The following ANKRD44 variants were observed in gnomAD, a reference collection of about 807,000 sequenced individuals.
The protein encoded by ANKRD44 is ankyrin repeat domain 44.
Under a neutral mutation model 116.0 loss-of-function variants are expected in ANKRD44, and 35 were observed. The ratio of observed to expected loss-of-function variants is 0.30; its 90% CI spans 0.23 to 0.40. ANKRD44 has a LOEUF of 0.40. Among genes scored for constraint, ANKRD44 ranks in the 10% least tolerant of loss-of-function variants. ANKRD44 has a pLI of 1.00. For missense variants in ANKRD44, 1,014 were observed against 1,242.6 expected, an observed-to-expected ratio of 0.82 and a Z score of 2.77; for synonymous variants, 435 against 461.8, an observed-to-expected ratio of 0.94 and a Z score of 0.74.
intron 2 of ANKRD44, among the ~76,000 whole-genome samples, chr2:197,157,100 C>T (rs2079837271): frequency 6.6e-6 from 1 of 151,948 alleles, no homozygotes; most frequent in Non-Finnish European, 1.5e-5. Context: ...TATTGTATGT[C>T]AATTATATTT....
At chr2:197,135,492 C>A (rs1161822244) in intron 4 of ANKRD44, 3 of 152,306 alleles carry the variant, frequency 2.0e-5, no homozygotes, top group Non-Finnish European at 4.4e-5. Flanking sequence ...CCCTGAGCTA[C>A]CTGATGCATT....
At chr2:196,998,793 TG>T in intron 24 of ANKRD44, 113 bp downstream of exon 24, 1 of 1,419,044 alleles carries the variant, frequency 7.0e-7, no homozygotes, top group Non-Finnish European at 9.5e-7. Flanking sequence ...TAAGTAAAAC[TG>T]CTAATGGCCC....
At chr2:196,991,295 G>A (rs913502718) in intron 27 of ANKRD44, among the ~76,000 whole-genome samples, 2 of 152,046 alleles carry the variant, frequency 1.3e-5, no homozygotes, top group African/African-American at 4.8e-5. Context: ...GGATGTTTCC[G>A]CCTGAGAGCA....
At chr2:197,220,080 A>C (rs1381176176) in intron 1 of ANKRD44, among the ~76,000 whole-genome samples, 1 of 152,256 alleles carries the variant, frequency 6.6e-6, no homozygotes, top group Non-Finnish European at 1.5e-5. Flanking sequence ...ATTACTTTGA[A>C]AGTAATCTAA....
At chr2:197,104,758 T>C (rs2078384649) in intron 9 of ANKRD44, among the ~76,000 whole-genome samples, 1 of 152,240 alleles carries the variant, frequency 6.6e-6, no homozygotes, top group Non-Finnish European at 1.5e-5. Flanking sequence ...CCAAGTGTAC[T>C]GGCAAAACGC....
chr2:197,248,162 C>T (rs529304971), intron 1 of ANKRD44, among the ~76,000 whole-genome samples: 250 of 152,250 alleles, frequency 1.6e-3, no homozygotes, highest in Non-Finnish European at 3.1e-3. Flanking sequence ...TAACCTGGTT[C>T]GCTTTATGTG....
At chr2:197,296,541 T>C (rs1574468317) in intron 1 of ANKRD44, 2 of 152,280 alleles carry the variant, frequency 1.3e-5, no homozygotes, top group Admixed American at 1.3e-4. Flanking sequence ...AAACTAACAG[T>C]CAATCTCCTT....
chr2:197,115,480 A>C (rs1252483549), intron 8 of ANKRD44, among the ~76,000 whole-genome samples: 1 of 152,218 alleles, frequency 6.6e-6, no homozygotes, highest in Non-Finnish European at 1.5e-5. Flanking sequence ...AAAAAACAGG[A>C]CCAGAGTCAA....
At chr2:196,969,045 T>C (rs2075695909) in intron 21 of ANKRD44, among the ~76,000 whole-genome samples, 1 of 152,174 alleles carries the variant, frequency 6.6e-6, no homozygotes, top group African/African-American at 2.4e-5. Context: ...CATTCACTTA[T>C]TGAATCATTC....
At chr2:197,048,346 C>G (rs931751679) in intron 16 of ANKRD44, among the ~76,000 whole-genome samples, 1 of 152,188 alleles carries the variant, frequency 6.6e-6, no homozygotes, top group African/African-American at 2.4e-5. Context: ...CCCTGCCCCC[C>G]ACTCCCTGAC....
chr2:197,294,595 G>A (rs554747616), intron 1 of ANKRD44, among the ~76,000 whole-genome samples: 130 of 151,964 alleles, frequency 8.6e-4, no homozygotes, highest in Middle Eastern at 3.4e-3. Context: ...CCACCCCTCC[G>A]CCCCAACACA....
At chr2:197,301,910 A>G (rs1003334939) in intron 1 of ANKRD44, among the ~76,000 whole-genome samples, 10 of 152,220 alleles carry the variant, frequency 6.6e-5, no homozygotes, top group African/African-American at 2.4e-4. Context: ...TACACTGTGG[A>G]GGAAAATAAA....
At chr2:197,176,768 T>C (rs1290786027) in intron 2 of ANKRD44, among the ~76,000 whole-genome samples, 1 of 152,110 alleles carries the variant, frequency 6.6e-6, no homozygotes, top group Non-Finnish European at 1.5e-5. Flanking sequence ...GAAATAGCCT[T>C]CTGAGCAGAC....
intron 25 of ANKRD44, among the ~76,000 whole-genome samples, chr2:196,996,641 A>G (rs1021532045): frequency 1.3e-5 from 2 of 152,204 alleles, no homozygotes; most frequent in Non-Finnish European, 2.9e-5. Flanking sequence ...GCAGTGGCTC[A>G]TGCCTGTAAT....
intron 2 of ANKRD44, among the ~76,000 whole-genome samples, chr2:197,172,759 T>C (rs962597757): frequency 6.6e-6 from 1 of 152,044 alleles, no homozygotes. Context: ...AGAGACAGGG[T>C]TTCACCATGT....
Position 196,979,554 on chromosome 2 carries a change from C to CTT in ANKRD44, c.2369-12110_2369-12109dup, listed in dbSNP as rs71012942. 2.9e-3 allele frequency among the ~76,000 whole-genome samples: 173 copies of CTT among 59,636 alleles called. 5 individuals are homozygous for CTT. The highest frequency in any genetic ancestry group is 3.5e-3 in the Non-Finnish European group (115 of 33,074). The allele number at this position is 59,636 out of a possible 152,430, so 39.1% of individuals were successfully genotyped here. On this transcript the variant is annotated intron_variant, in intron 21 of 21. Coordinates refer to the ANKRD44 transcript ENST00000424317. ...CAGCCTGAGTAATTTAATAAGATGA[C>CTT]TTTTTTTTTTTTTTTTTTTTTTTTT... is the stretch of plus-strand genomic sequence containing the variant.
Position 196,989,394 on chromosome 2 carries a change from T to C in ANKRD44, c.*197A>G, listed in dbSNP as rs946588489. On this transcript the variant is annotated 3_prime_UTR_variant, in exon 28 of 28. Transcript: ENST00000282272. Reference sequence around the variant, plus strand: ...AAGACTGGTACACAGAAAGATTACATTTAACTCCATAAAAAAGCTACTTCA... The same window carrying C: ...AAGACTGGTACACAGAAAGATTACACTTAACTCCATAAAAAAGCTACTTCA... 3.0e-5 allele frequency: 35 copies of C among 1,177,392 alleles called. No individual in the cohort carries two copies. Among genetic ancestry groups the C allele is most frequent in the Non-Finnish European group, 6.3e-6 (6 of 950,232 alleles). 72.9% of individuals were successfully genotyped at this position (1,177,392 alleles called of 1,614,324 possible).
At chr2:197,263,207 C>G in intron 1 of ANKRD44, 1 of 494,838 alleles carries the variant, frequency 2.0e-6, no homozygotes, top group Non-Finnish European at 3.8e-6. Flanking sequence ...GCTGAAATGA[C>G]CAGAGACACT....
intron 2 of ANKRD44, among the ~76,000 whole-genome samples, chr2:197,163,683 G>A (rs972818414): frequency 2.0e-5 from 3 of 152,196 alleles, no homozygotes; most frequent in Non-Finnish European, 4.4e-5. Context: ...GTTAACACCA[G>A]GCTGGAGTGC....
Sources: gnomAD v4.1 joint callset for allele counts (sites outside exome capture counted in the v4.1 genomes callset) on GRCh38, gnomAD v4.1.1 for gene constraint, MANE v1.5 for transcripts, NCBI Gene and HGNC (gene_info 2026-07-23, HGNC 2026-07-21) for gene names.